Variants in ITPR2 observed in about 807,000 individuals in gnomAD.
The protein encoded by ITPR2 is inositol 1,4,5-trisphosphate receptor type 2, also known as inositol 1,4,5-trisphosphate-gated calcium channel ITPR2.
In ITPR2, 207 loss-of-function variants were observed where a neutral mutation model predicts 317.1. The observed-to-expected ratio is 0.65, with a 90% CI of 0.58 to 0.73. The LOEUF (loss-of-function observed/expected upper bound fraction) is 0.73. ITPR2 is among the 30% of genes least tolerant of loss of function. ITPR2 has a pLI of 0.00. For synonymous variants in ITPR2, 1,156 were observed against 1,149.1 expected, an observed-to-expected ratio of 1.01 and a Z score of -0.12; for missense variants, 2,613 against 3,284.0, an observed-to-expected ratio of 0.80 and a Z score of 4.99.
At chr12:26,489,762 A>G (rs937883224) in intron 39 of ITPR2, among the ~76,000 whole-genome samples, 1 of 152,246 alleles carries the variant, frequency 6.6e-6, no homozygotes, top group Non-Finnish European at 1.5e-5. Context: ...ATGTAGTTAG[A>G]AAGGAAGAAA....
chr12:26,684,269 C>T (rs564907746), intron 11 of ITPR2, among the ~76,000 whole-genome samples: 1 of 152,312 alleles, frequency 6.6e-6, no homozygotes, highest in East Asian at 1.9e-4. Context: ...GTCTGAGAAA[C>T]ACTGGACTCC....
Position 26,663,677 on chromosome 12 carries a change from C to T in ITPR2, c.1713+8G>A. 1.2e-6 allele frequency: 2 copies of T among 1,607,220 alleles called. No individual in the cohort carries two copies. The highest frequency in any genetic ancestry group is 1.7e-6 in the Non-Finnish European group (2 of 1,177,614). On this transcript the variant is annotated splice_region_variant and intron_variant, in intron 15 of 56. Transcript: ENST00000381340. ...TGAAACAGTTTAAAATGGGGGCTAC[C>T]CTCTGACCTGATTTTTCCGGTAATC...
intron 9 of ITPR2, among the ~76,000 whole-genome samples, chr12:26,703,494 T>A (rs751310475): frequency 5.9e-5 from 9 of 152,196 alleles, no homozygotes; most frequent in Admixed American, 6.5e-5. Context: ...TAATTCTTTG[T>A]TGGGAGGGGC....
chr12:26,829,571 T>C (rs1467800071), intron 1 of ITPR2, among the ~76,000 whole-genome samples: 3 of 152,070 alleles, frequency 2.0e-5, no homozygotes, highest in Non-Finnish European at 4.4e-5. Context: ...ACGGCATTCT[T>C]AATTTTACAG....
rs533455348 is a variant in ITPR2 at position 26,405,582 on chromosome 12, A to G, written c.7400-5324T>C. ...GGTGTTAATCTATAAATTTTAAAAA[A>G]TATTGGCCATGCTTGAATAACGGTA... On this transcript the variant is annotated intron_variant, in intron 52 of 56. Transcript: ENST00000381340. Among the ~76,000 whole-genome samples, 7 of 152,358 alleles carry G rather than the reference A, an allele frequency of 4.6e-5. No individual in the cohort carries two copies. In the South Asian group the frequency reaches 1.4e-3, roughly 32 times the overall value.
intron 37 of ITPR2, among the ~76,000 whole-genome samples, chr12:26,511,793 A>T (rs1943354054): frequency 6.6e-6 from 1 of 152,242 alleles, no homozygotes; most frequent in Non-Finnish European, 1.5e-5. Flanking sequence ...GCCAACGCAT[A>T]GACAGCTGGA....
chr12:26,761,480 G>C (rs1239839143), intron 2 of ITPR2, among the ~76,000 whole-genome samples: 1 of 152,180 alleles, frequency 6.6e-6, no homozygotes, highest in African/African-American at 2.4e-5. Flanking sequence ...CTGATAAAGA[G>C]GTCAAAATAA....
At chr12:26,431,247 A>C (rs1258041899) in intron 48 of ITPR2, among the ~76,000 whole-genome samples, 1 of 152,208 alleles carries the variant, frequency 6.6e-6, no homozygotes. Context: ...ATTTTTTAAA[A>C]TCACATACTA....
Position 26,347,341 on chromosome 12 carries a change from G to C in ITPR2, c.7858-7013C>G, listed in dbSNP as rs555255831. ...AGGTACATATTAAAAGTTGACTGTG[G>C]GTAAGCTATAAAAAGCAAGAACTGT... On this transcript the variant is annotated intron_variant, in intron 55 of 56. Coordinates refer to ENST00000381340, the MANE Select transcript of ITPR2 (RefSeq NM_002223.4). 8.5e-5 allele frequency among the ~76,000 whole-genome samples: 13 copies of C among 152,226 alleles called. No homozygotes were observed. The South Asian group carries it at 2.7e-3, about 32-fold the overall frequency.
At chr12:26,722,684 T>C (rs1948857624) in intron 4 of ITPR2, 129 bp from the exon 5 acceptor site, 2 of 639,464 alleles carry the variant, frequency 3.1e-6, no homozygotes, top group African/African-American at 3.8e-5. Flanking sequence ...CAAAGGAGTA[T>C]TTTCAGCCTC....
chr12:26,547,406 G>C (rs1339795265), intron 37 of ITPR2, among the ~76,000 whole-genome samples: 1 of 152,184 alleles, frequency 6.6e-6, no homozygotes, highest in African/African-American at 2.4e-5. Context: ...AAAAATAACA[G>C]ACGTTGATGA....
intron 10 of ITPR2, among the ~76,000 whole-genome samples, chr12:26,688,470 G>A (rs764691326): frequency 5.3e-5 from 8 of 152,042 alleles, no homozygotes; most frequent in African/African-American, 1.9e-4. Context: ...GCAAAGAGAT[G>A]AGTGCAGTTA....
At chr12:26,574,279 C>A (rs183245850) in intron 34 of ITPR2, among the ~76,000 whole-genome samples, 1 of 151,124 alleles carries the variant, frequency 6.6e-6, no homozygotes, top group East Asian at 1.9e-4. Flanking sequence ...TGTGTTCCTC[C>A]TCAGATTTCT....
intron 37 of ITPR2, among the ~76,000 whole-genome samples, chr12:26,536,044 T>C (rs1432095600): frequency 6.6e-6 from 1 of 152,220 alleles, no homozygotes; most frequent in Non-Finnish European, 1.5e-5. Flanking sequence ...TAAGAAAGAA[T>C]ATCCTCAGTC....
At chr12:26,552,028 C>T (rs1333184139) in intron 36 of ITPR2, among the ~76,000 whole-genome samples, 3 of 152,058 alleles carry the variant, frequency 2.0e-5, no homozygotes, top group Non-Finnish European at 4.4e-5. Flanking sequence ...CGGAGCAAGG[C>T]GAGTGAGCAG....
Position 26,415,492 on chromosome 12 carries a change from CA to C in ITPR2, c.7116del (p.Phe2372LeufsTer11). On this transcript the variant is annotated frameshift_variant, in exon 51 of 57. Coordinates refer to ENST00000381340, the MANE Select transcript of ITPR2 (RefSeq NM_002223.4). LOFTEE classifies it high-confidence loss of function. ...AAAGTCTCTTCCCTGTACACCAAAT[CA>C]AAAAGCTACAAAGATAAAGAAAACA... ...VHEFFYSFLL[F>X]DLVYREETLL... 1 of 1,537,560 alleles carries C rather than the reference CA, an allele frequency of 6.5e-7. No homozygotes were observed. Among genetic ancestry groups the C allele is most frequent in the Non-Finnish European group, 8.7e-7 (1 of 1,145,536 alleles).
intron 55 of ITPR2, among the ~76,000 whole-genome samples, chr12:26,342,494 C>CGGGGGGGGGGGGGGGGGGGGGGG (rs1278722550): frequency 3.4e-5 from 1 of 29,018 alleles, no homozygotes; most frequent in Admixed American, 4.8e-4. Flanking sequence ...TGGGTCACGG[C>CGGGGGGGGGGGGGGGGGGGGGGG]GGTGGGGGGG....
At chr12:26,523,915 C>T (rs1943736564) in intron 37 of ITPR2, among the ~76,000 whole-genome samples, 1 of 152,248 alleles carries the variant, frequency 6.6e-6, no homozygotes, top group Admixed American at 6.5e-5. Context: ...GTTGGCAGAG[C>T]CGCCTCAGTG....
intron 21 of ITPR2, among the ~76,000 whole-genome samples, chr12:26,646,622 G>A (rs578153147): frequency 6.6e-6 from 1 of 152,076 alleles, no homozygotes; most frequent in African/African-American, 2.4e-5. Context: ...CCCTGGGTTG[G>A]GTCCACAGGG....
Sources: gnomAD v4.1 joint callset for allele counts (sites outside exome capture counted in the v4.1 genomes callset) on GRCh38, gnomAD v4.1.1 for gene constraint, MANE v1.5 for transcripts, NCBI Gene and HGNC (gene_info 2026-07-23, HGNC 2026-07-21) for gene names.